SLC16A4: variants seen among roughly 807,000 people sequenced by gnomAD.
SLC16A4 encodes the protein probable monocarboxylate transporter 5.
A neutral mutation model predicts 47.9 loss-of-function variants in SLC16A4; 39 were observed. The observed-to-expected ratio is 0.81, with a 90% confidence interval of 0.63 to 1.06. The LOEUF (loss-of-function observed/expected upper bound fraction) is 1.06, where lower values mean the gene tolerates loss of function less well. Among genes scored for constraint, SLC16A4 ranks in the 50% least tolerant of loss-of-function variants. The probability of loss-of-function intolerance (pLI) is 0.00; values close to 1 mark genes in which losing one functional copy is unlikely to be tolerated. For synonymous variants in SLC16A4, 189 were observed against 199.9 expected (o/e 0.95, Z 0.46); for missense variants, 524 against 573.8 (o/e 0.91, Z 0.89).
At chr1:110,384,389 C>T (rs1406478175) in intron 2 of SLC16A4, among the ~76,000 whole-genome samples, 1 of 152,288 alleles carries the variant, frequency 6.6e-6, no homozygotes, top group East Asian at 1.9e-4. Flanking sequence ...AAGGTTGGGC[C>T]AGGGGCCCCA....
At chr1:110,364,545 C>A (rs1215097845) in intron 8 of SLC16A4, among the ~76,000 whole-genome samples, 1 of 147,700 alleles carries the variant, frequency 6.8e-6, no homozygotes, top group African/African-American at 2.5e-5. Flanking sequence ...CTCTGTCACC[C>A]AGGTTGGAGT....
chr1:110,370,332 G>C (rs1387081035), intron 8 of SLC16A4: 2 of 152,146 alleles, frequency 1.3e-5, no homozygotes, highest in Non-Finnish European at 2.9e-5. Context: ...CCTCCAGAGT[G>C]TGTTTTCCAA....
Position 110,379,085 on chromosome 1 carries a change from A to G in SLC16A4, c.798T>C (p.Pro266=). ...QNQSEEFYNG[P]NRNRLLLKSD... is the part of the protein sequence containing the mutation. ...TCTTTAATAACAGTCTGTTCCTGTT[A>G]GGCCCATTGTAGAACTCTTCACTTT... Residue 266 remains proline (P), a synonymous_variant, in exon 6 of 9, where the codon CCT becomes CCC. Transcript: ENST00000369779. 6.2e-7 allele frequency: 1 copy of G among 1,614,228 alleles called. No homozygotes were observed. The highest frequency in any genetic ancestry group is 1.1e-5 in the South Asian group (1 of 91,088).
In SLC16A4 at chr1:110,388,420, T is replaced by A. The variant is rs531514870; in HGVS notation, c.87+817A>T. ...TCGGAAATATAGATAGCATAAACTA[T>A]AGTTAGTGGGGATGGATTGGGAAGT... On this transcript the variant is annotated intron_variant, in intron 2 of 8. Transcript: ENST00000369779. Among the ~76,000 whole-genome samples, 32 of 152,236 alleles carry A rather than the reference T, an allele frequency of 2.1e-4. No homozygotes were observed. The Middle Eastern group carries it at 0.017, about 81-fold the overall frequency.
intron 5 of SLC16A4, 104 bp downstream of exon 5, chr1:110,380,878 G>A (rs1662340673): frequency 1.0e-6 from 1 of 991,082 alleles, no homozygotes; most frequent in African/African-American, 1.6e-5. Context: ...GCAATACCTT[G>A]TGAAATCGAT....
At chr1:110,372,977 T>G (rs1450971977) in intron 8 of SLC16A4, 4 of 152,158 alleles carry the variant, frequency 2.6e-5, no homozygotes, top group Non-Finnish European at 4.4e-5. Context: ...AATAAAAGTT[T>G]GAAAATAAAG....
chr1:110,381,668 A>G lies in SLC16A4; in HGVS notation c.348T>C (p.Thr116=). 6.2e-7 allele frequency: 1 copy of G among 1,612,534 alleles called. No individual in the cohort carries two copies. The highest frequency in any genetic ancestry group is 8.5e-7 in the Non-Finnish European group (1 of 1,179,700). The stretch of plus-strand genomic sequence containing the variant: ...TGGACTCACCGGGTAGAAGTCCCAT[A>G]GTCACACAAAGAAAAGGAATACTTG... ...WATSIPFLCV[T]MGLLPGLGSA... Residue 116 remains threonine (T), a synonymous_variant, in exon 4 of 9, where the codon ACT becomes ACC. Coordinates refer to ENST00000369779, the MANE Select transcript of SLC16A4 (RefSeq NM_004696.3).
chr1:110,387,322 G>A (rs1368165590), intron 2 of SLC16A4, among the ~76,000 whole-genome samples: 1 of 152,120 alleles, frequency 6.6e-6, no homozygotes, highest in African/African-American at 2.4e-5. Context: ...TATAAAGTGT[G>A]GTAAGTTGGT....
At chr1:110,372,890 T>G (rs1299053181) in intron 8 of SLC16A4, 2 of 152,240 alleles carry the variant, frequency 1.3e-5, no homozygotes, top group Admixed American at 6.5e-5. Context: ...AAAAGCTTGT[T>G]AACTTTTTTT....
intron 8 of SLC16A4, among the ~76,000 whole-genome samples, chr1:110,374,092 T>C (rs538894098): frequency 2.6e-5 from 4 of 151,096 alleles, no homozygotes; most frequent in African/African-American, 9.7e-5. Context: ...TGGAGTGAAG[T>C]GGTGCAAAGT....
intron 1 of SLC16A4, 58 bp downstream of exon 1, chr1:110,390,805 GGA>G (rs1355697500): frequency 1.3e-5 from 2 of 152,192 alleles, no homozygotes; most frequent in African/African-American, 4.8e-5. Context: ...GGCTGGGTGG[GGA>G]GAGATGCCAG....
chr1:110,367,478 A>G (rs749034405), intron 8 of SLC16A4, among the ~76,000 whole-genome samples: 16 of 152,224 alleles, frequency 1.1e-4, no homozygotes, highest in African/African-American at 3.9e-4. Context: ...CTTTGTCCCT[A>G]TTCTATCAAA....
chr1:110,363,883 A>G lies in SLC16A4; in HGVS notation c.1347T>C (p.Tyr449=). Residue 449 remains tyrosine (Y), a synonymous_variant, in exon 9 of 9, where the codon TAT becomes TAC. Coordinates refer to ENST00000369779, the MANE Select transcript of SLC16A4 (RefSeq NM_004696.3). ...AGCCATTGTATGTCTGGGTATAATC[A>G]TATAACCAGCCTGGAAGGAAGGAAT... ...LSGPPIAGWL[Y]DYTQTYNGSF... 1 of 1,606,648 alleles carries G rather than the reference A, an allele frequency of 6.2e-7. No homozygotes were observed. The highest frequency in any genetic ancestry group is 8.5e-7 in the Non-Finnish European group (1 of 1,177,424).
intron 8 of SLC16A4, among the ~76,000 whole-genome samples, chr1:110,368,319 A>T (rs931878699): frequency 7.9e-5 from 12 of 152,366 alleles, no homozygotes; most frequent in African/African-American, 2.9e-4. Flanking sequence ...ATGTGCATGT[A>T]TCTGAATGTT....
chr1:110,389,202 G>A, intron 2 of SLC16A4, 35 bp downstream of exon 2: 1 of 1,529,844 alleles, frequency 6.5e-7, no homozygotes. Context: ...CCTGCTTTTA[G>A]GCAATAGGAA....
intron 5 of SLC16A4, chr1:110,379,763 G>A (rs1430981670): frequency 6.3e-6 from 1 of 159,984 alleles, no homozygotes; most frequent in Non-Finnish European, 1.4e-5. Context: ...AGCCTTAGAA[G>A]AGGGGACAGC....
At position 110,379,177 on chromosome 1, in the gene SLC16A4, T is replaced by C; in HGVS notation, c.706A>G (p.Thr236Ala). The C allele has an allele frequency of 6.2e-7, 1 of 1,614,248 alleles. No individual in the cohort carries two copies. Among genetic ancestry groups the C allele is most frequent in the Non-Finnish European group, 8.5e-7 (1 of 1,180,042 alleles). Residue 236 changes from threonine (T) to alanine (A), a missense_variant, in exon 6 of 9, where the codon ACC (threonine) becomes GCC (alanine). Physicochemically the swap from Thr to Ala is moderately conservative, Grantham distance 58. Coordinates refer to ENST00000369779, the MANE Select transcript of SLC16A4 (RefSeq NM_004696.3). The part of the protein sequence containing the change: ...ETHCHETEES[T>A]IKDSTTQKAG... The stretch of plus-strand genomic sequence containing the variant: ...TTCTGCGTAGTACTGTCCTTGATGG[T>C]AGACTCTTCTGTCTCATGGCAGTGT...
chr1:110,381,717 C>T lies in SLC16A4; in HGVS notation c.299G>A (p.Gly100Glu). Residue 100 changes from glycine (G) to glutamate (E), a missense_variant, in exon 4 of 9, where the codon GGA (glycine) becomes GAA (glutamate). By Grantham distance (98) the Gly-to-Glu change is moderately conservative. Transcript: ENST00000369779. ...TGTGGCCCAGCTGCTGATCAGATAT[C>T]CACCAGTAACAACGAAAGCCCCAAG... ...SILGAFVVTG[G>E]YLISSWATSI... 1 of 1,613,714 alleles carries T rather than the reference C, an allele frequency of 6.2e-7. No homozygotes were observed.
chr1:110,369,074 C>A (rs1454198592), intron 8 of SLC16A4, among the ~76,000 whole-genome samples: 1 of 151,624 alleles, frequency 6.6e-6, no homozygotes, highest in Non-Finnish European at 1.5e-5. Context: ...CCTGCCCCAA[C>A]CTCCCAAGTA....
Sources: allele counts gnomAD v4.1 joint callset (sites outside exome capture counted in the v4.1 genomes callset), GRCh38; gene constraint gnomAD v4.1.1; transcripts MANE v1.5; gene names NCBI Gene and HGNC (gene_info 2026-07-23, HGNC 2026-07-21).